ZNF385D: variants seen among roughly 807,000 people sequenced by gnomAD.
ZNF385D encodes zinc finger protein 385D.
Under a neutral mutation model 35.8 loss-of-function variants are expected in ZNF385D, and 15 were observed. That is an observed-to-expected ratio of 0.42 (90% CI 0.28 to 0.64). The LOEUF is 0.64. ZNF385D is among the 30% of genes least tolerant of loss of function. ZNF385D has a pLI of 0.23. For synonymous variants in ZNF385D, 212 were observed against 186.8 expected (o/e 1.13, Z -1.10); for missense variants, 474 against 494.6 (o/e 0.96, Z 0.39).
chr3:21,868,135 T>A (rs568780397), intron 3 of ZNF385D, among the ~76,000 whole-genome samples: 20 of 152,258 alleles, frequency 1.3e-4, no homozygotes, highest in Non-Finnish European at 2.4e-4. Context: ...TGAGCAGCAG[T>A]TGGCAAACAT....
At chr3:21,957,587 C>T (rs1312483837) in intron 3 of ZNF385D, among the ~76,000 whole-genome samples, 1 of 152,078 alleles carries the variant, frequency 6.6e-6, no homozygotes. Flanking sequence ...TACCCAAACC[C>T]CAGAGGACAT....
intron 2 of ZNF385D, among the ~76,000 whole-genome samples, chr3:21,599,662 A>G (rs1684358015): frequency 1.3e-5 from 2 of 152,222 alleles, no homozygotes; most frequent in Admixed American, 1.3e-4. Flanking sequence ...AAATAAGCTG[A>G]TAAGAAGTTA....
At chr3:21,806,546 T>C (rs1455120763) in intron 3 of ZNF385D, among the ~76,000 whole-genome samples, 1 of 152,144 alleles carries the variant, frequency 6.6e-6, no homozygotes, top group African/African-American at 2.4e-5. Context: ...ACAGAACATG[T>C]ATACGTGAAA....
rs914647827 is a variant in ZNF385D, at chr3:21,412,497, T to C, written c.*8717A>G. 1.3e-5 allele frequency: 2 copies of C among 152,002 alleles called. No individual in the cohort carries two copies. Among genetic ancestry groups the C allele is most frequent in the East Asian group, 1.9e-4 (1 of 5,176 alleles). The allele number at this position is 152,002 out of a possible 1,614,324, so 9.4% of individuals were successfully genotyped here. A position where few individuals can be genotyped will look rare whatever the true frequency, so the allele number is the denominator to read the frequency against. On this transcript the variant is annotated 3_prime_UTR_variant, in exon 8 of 8. Coordinates refer to ENST00000281523, the MANE Select transcript of ZNF385D (RefSeq NM_024697.3). ...TTTCCCAAATTGAAAACATTGCCTA[T>C]GGATTATCTACAGAAGAGAGGAAAA...
chr3:21,731,229 A>T (rs1488190105), intron 1 of ZNF385D, among the ~76,000 whole-genome samples: 2 of 152,202 alleles, frequency 1.3e-5, no homozygotes, highest in East Asian at 3.9e-4. Flanking sequence ...TAAGTGAAGG[A>T]CTAGATATAG....
chr3:21,852,912 G>A (rs77584422), intron 3 of ZNF385D, among the ~76,000 whole-genome samples: 7,034 of 151,838 alleles, frequency 0.046, 568 homozygotes, highest in African/African-American at 0.16. Flanking sequence ...GAATAATCCC[G>A]TGAGGAAAAT....
At chr3:22,069,807 A>C (rs1700142914) in intron 3 of ZNF385D, among the ~76,000 whole-genome samples, 1 of 152,204 alleles carries the variant, frequency 6.6e-6, no homozygotes, top group Middle Eastern at 3.4e-3. Context: ...CTGTCCCATG[A>C]AATAGTCAGA....
intron 3 of ZNF385D, among the ~76,000 whole-genome samples, chr3:21,796,428 T>A (rs1468192124): frequency 6.6e-6 from 1 of 152,168 alleles, no homozygotes; most frequent in East Asian, 1.9e-4. Context: ...CGTAAAAAAT[T>A]AGACATCACT....
At position 21,608,898 on chromosome 3, in the gene ZNF385D, G is replaced by A. The variant is rs1414220176; in HGVS notation, c.166-44214C>T. On this transcript the variant is annotated intron_variant, in intron 2 of 7. Transcript: ENST00000281523. ...AAGTATCATCCATTCTTATATCAGT[G>A]TATTCAGATGATGAGACTTCACTGA... Among the ~76,000 whole-genome samples the A allele has an allele frequency of 2.0e-5, 3 of 152,224 alleles. No homozygotes were observed. In the East Asian group the frequency reaches 5.8e-4, roughly 29 times the overall value.
At position 21,826,008 on chromosome 3, in the gene ZNF385D, T is replaced by G. The variant is rs566270028; in HGVS notation, c.326-160980A>C. Among the ~76,000 whole-genome samples, 33 of 152,270 alleles carry G rather than the reference T, an allele frequency of 2.2e-4. 1 individual carries two copies. The highest frequency in any genetic ancestry group is 4.6e-4 in the Non-Finnish European group (31 of 68,018). Reference sequence around the variant, plus strand: ...GAATCTAATGCCTGATGATTTGAGGTGGAACAGTTTCATCCCCTTCTTCCC... The same window carrying G: ...GAATCTAATGCCTGATGATTTGAGGGGGAACAGTTTCATCCCCTTCTTCCC... On this transcript the variant is annotated intron_variant, in intron 3 of 5. Coordinates refer to the ZNF385D transcript ENST00000494108.
intron 3 of ZNF385D, among the ~76,000 whole-genome samples, chr3:21,935,209 T>C (rs975086689): frequency 5.9e-5 from 9 of 152,200 alleles, no homozygotes; most frequent in African/African-American, 2.2e-4. Flanking sequence ...ATGCCATTGA[T>C]ATTAGCAATT....
chr3:21,803,948 A>G (rs1052819505), intron 3 of ZNF385D, among the ~76,000 whole-genome samples: 5 of 152,180 alleles, frequency 3.3e-5, no homozygotes, highest in Non-Finnish European at 7.4e-5. Context: ...GTATTCTTCA[A>G]ACTTTAATAG....
chr3:21,732,146 T>C (rs2069047272), intron 1 of ZNF385D, among the ~76,000 whole-genome samples: 2 of 146,180 alleles, frequency 1.4e-5, no homozygotes, highest in South Asian at 4.7e-4. Flanking sequence ...GCCTCCCAGG[T>C]TCAAGTGATT....
chr3:21,511,316 A>T (rs565821459), intron 3 of ZNF385D, among the ~76,000 whole-genome samples: 216 of 152,242 alleles, frequency 1.4e-3, no homozygotes, highest in Middle Eastern at 6.8e-3. Flanking sequence ...AAAAATAAGA[A>T]TTTACACCTG....
chr3:21,873,791 T>C (rs1214644017), intron 3 of ZNF385D, among the ~76,000 whole-genome samples: 1 of 152,150 alleles, frequency 6.6e-6, no homozygotes, highest in Non-Finnish European at 1.5e-5. Context: ...GGTCCATCTA[T>C]GATGTCACAT....
At chr3:21,705,817 CAT>C (rs1295170937) in intron 1 of ZNF385D, among the ~76,000 whole-genome samples, 2 of 152,154 alleles carry the variant, frequency 1.3e-5, no homozygotes, top group Non-Finnish European at 2.9e-5. Flanking sequence ...GTTCCACTCA[CAT>C]GTTTGGATTT....
At chr3:21,631,899 A>G (rs917731116) in intron 2 of ZNF385D, among the ~76,000 whole-genome samples, 3 of 152,110 alleles carry the variant, frequency 2.0e-5, no homozygotes, top group Non-Finnish European at 2.9e-5. Context: ...AAACAAAAGC[A>G]TTTCATTGAA....
chr3:21,488,313 A>T (rs151281), intron 4 of ZNF385D, among the ~76,000 whole-genome samples: 128,639 of 151,844 alleles, frequency 0.85, 54,918 homozygotes, highest in East Asian at 1. Flanking sequence ...CAGGGTTTTA[A>T]ATTGAATCTA....
intron 3 of ZNF385D, among the ~76,000 whole-genome samples, chr3:21,945,143 T>TATAC (rs1701713386): frequency 8.4e-5 from 11 of 130,874 alleles, no homozygotes; most frequent in Admixed American, 2.7e-4. Flanking sequence ...TATATGTATA[T>TATAC]GCATATATAT....
Sources: gnomAD v4.1 joint callset for allele counts (sites outside exome capture counted in the v4.1 genomes callset) on GRCh38, gnomAD v4.1.1 for gene constraint, MANE v1.5 for transcripts, NCBI Gene and HGNC (gene_info 2026-07-23, HGNC 2026-07-21) for gene names.